Variants in MAPK10 observed in about 807,000 individuals in gnomAD.
MAPK10 encodes the protein JNK3 alpha protein kinase.
In MAPK10, 25 loss-of-function variants were observed where a neutral mutation model predicts 59.3. That is an observed-to-expected ratio of 0.42 (90% confidence interval 0.31 to 0.59). The LOEUF is 0.59. Among genes scored for constraint, MAPK10 ranks in the 20% least tolerant of loss-of-function variants. MAPK10 has a pLI of 0.15. For missense variants in MAPK10, 351 were observed against 568.9 expected (o/e 0.62, Z 3.90); for synonymous variants, 190 against 200.5 (o/e 0.95, Z 0.44).
intron 1 of MAPK10, among the ~76,000 whole-genome samples, chr4:86,485,296 A>T (rs7695011): frequency 6.6e-6 from 1 of 152,000 alleles, no homozygotes; most frequent in East Asian, 1.9e-4. Flanking sequence ...TCTTGGGAGC[A>T]CAATTGTAGT....
intron 1 of MAPK10, among the ~76,000 whole-genome samples, chr4:86,427,097 A>G (rs996622483): frequency 6.6e-6 from 1 of 151,984 alleles, no homozygotes; most frequent in African/African-American, 2.4e-5. Flanking sequence ...TCTACTAAAA[A>G]TACAAAAAAA....
At chr4:86,333,570 C>A (rs2096205792) in intron 2 of MAPK10, among the ~76,000 whole-genome samples, 1 of 152,196 alleles carries the variant, frequency 6.6e-6, no homozygotes, top group East Asian at 1.9e-4. Context: ...CTTCCTTGAC[C>A]TCTAAGCAGC....
intron 1 of MAPK10, among the ~76,000 whole-genome samples, chr4:86,490,998 A>G (rs1159182435): frequency 6.6e-6 from 1 of 152,242 alleles, no homozygotes; most frequent in Non-Finnish European, 1.5e-5. Flanking sequence ...CTATCTAGCT[A>G]AATTCCCTCA....
At chr4:86,576,168 T>G (rs1181568459) in intron 1 of MAPK10, among the ~76,000 whole-genome samples, 5 of 152,080 alleles carry the variant, frequency 3.3e-5, no homozygotes, top group African/African-American at 1.2e-4. Context: ...ATACTGTATG[T>G]TTTTAAAAGA....
chr4:86,081,979 A>G (rs1161243722), intron 9 of MAPK10: 1 of 152,192 alleles, frequency 6.6e-6, no homozygotes, highest in African/African-American at 2.4e-5. Context: ...TTCAGCAATG[A>G]AAATGAGTTA....
chr4:86,544,146 GT>G (rs558275576), intron 1 of MAPK10, among the ~76,000 whole-genome samples: 34 of 152,106 alleles, frequency 2.2e-4, no homozygotes, highest in Non-Finnish European at 3.8e-4. Flanking sequence ...CCGGAGACAG[GT>G]TTTTTTCCAC....
chr4:86,385,592 A>G (rs1741351663), intron 1 of MAPK10, among the ~76,000 whole-genome samples: 1 of 152,202 alleles, frequency 6.6e-6, no homozygotes, highest in South Asian at 2.1e-4. Flanking sequence ...TTATTTCTGA[A>G]CATCTATTTG....
intron 2 of MAPK10, among the ~76,000 whole-genome samples, chr4:86,344,056 T>C (rs1212580579): frequency 1.3e-5 from 2 of 152,262 alleles, no homozygotes; most frequent in African/African-American, 2.4e-5. Flanking sequence ...AAAGGGATCA[T>C]GAGACTAAAA....
At position 86,449,878 on chromosome 4, in the gene MAPK10, A is replaced by T. The variant is rs79947691; in HGVS notation, c.-122+3152T>A. On this transcript the variant is annotated intron_variant, in intron 1 of 13. Transcript: ENST00000361569. ...GCGCACAAAGGGCAGCCTCTGGAAG[A>T]TGAGAGTTACCCTGGCTAATTGCCA... is the stretch of plus-strand genomic sequence containing the variant. 5.2e-3 allele frequency among the ~76,000 whole-genome samples: 798 copies of T among 152,354 alleles called. 9 individuals are homozygous for T. The highest frequency in any genetic ancestry group is 0.018 in the African/African-American group (740 of 41,576).
intron 2 of MAPK10, among the ~76,000 whole-genome samples, chr4:86,316,999 C>T (rs765632288): frequency 2.0e-5 from 3 of 151,994 alleles, no homozygotes; most frequent in Non-Finnish European, 4.4e-5. Context: ...TGGATTTATC[C>T]CAAAGTAATT....
At chr4:86,340,513 T>A (rs1289697996) in intron 2 of MAPK10, 1 of 152,134 alleles carries the variant, frequency 6.6e-6, no homozygotes, top group African/African-American at 2.4e-5. Context: ...CTCATTATCA[T>A]AAGAACAGGA....
chr4:86,359,288 C>CTCTCTCTCTCTGTGTGTG (rs796310826), intron 1 of MAPK10, among the ~76,000 whole-genome samples: 7 of 94,632 alleles, frequency 7.4e-5, no homozygotes, highest in Admixed American at 2.1e-4. Context: ...CTCTCTCTCT[C>CTCTCTCTCTCTGTGTGTG]TGTGTGTGTG....
At chr4:86,188,857 CACGGTTTTT>C (rs2078946267) in intron 3 of MAPK10, among the ~76,000 whole-genome samples, 2 of 151,152 alleles carry the variant, frequency 1.3e-5, no homozygotes, top group South Asian at 2.1e-4. Flanking sequence ...GGTTTTCTTC[CACGGTTTTT>C]ACGGTTTTTA....
chr4:86,136,987 A>G lies in MAPK10; in HGVS notation c.236+22311T>C, dbSNP rs201619791. Among the ~76,000 whole-genome samples the G allele has an allele frequency of 4.9e-4, 74 of 152,294 alleles. No individual in the cohort carries two copies. The East Asian group carries it at 9.8e-3, about 20-fold the overall frequency. The stretch of plus-strand genomic sequence containing the variant: ...ATCAATTCAACAAGAAGAGCTAACT[A>G]TCCTAAATATATATGCACCCAATAC... On this transcript the variant is annotated intron_variant, in intron 4 of 13. Coordinates refer to ENST00000641462, the MANE Select transcript of MAPK10 (RefSeq NM_138982.4).
At chr4:86,029,735 C>T (rs997098664) in intron 12 of MAPK10, among the ~76,000 whole-genome samples, 14 of 152,162 alleles carry the variant, frequency 9.2e-5, no homozygotes, top group African/African-American at 3.4e-4. Context: ...TTTCTTTATA[C>T]TTATTTCCTA....
intron 1 of MAPK10, among the ~76,000 whole-genome samples, chr4:86,444,029 T>TA (rs976482465): frequency 0.011 from 1,532 of 143,028 alleles, 13 homozygotes; most frequent in African/African-American, 0.036. Context: ...ACTGAAAATT[T>TA]AAAAAAAAAA....
intron 1 of MAPK10, among the ~76,000 whole-genome samples, chr4:86,584,374 AG>A (rs1460928775): frequency 2.6e-5 from 4 of 152,216 alleles, no homozygotes; most frequent in Admixed American, 6.5e-5. Flanking sequence ...GGAAAAACAA[AG>A]GAAGTTTACA....
chr4:86,558,341 T>C (rs1760422061), intron 1 of MAPK10, among the ~76,000 whole-genome samples: 1 of 152,176 alleles, frequency 6.6e-6, no homozygotes, highest in African/African-American at 2.4e-5. Context: ...GACGAGGCTT[T>C]GTACTTAGTA....
chr4:86,504,826 T>G (rs1252626624), intron 1 of MAPK10, among the ~76,000 whole-genome samples: 1 of 151,926 alleles, frequency 6.6e-6, no homozygotes, highest in Admixed American at 6.6e-5. Context: ...GGGTGAGGAA[T>G]GGAAAGGAAG....
Sources: gnomAD v4.1 joint callset for allele counts (sites outside exome capture counted in the v4.1 genomes callset) on GRCh38, gnomAD v4.1.1 for gene constraint, MANE v1.5 for transcripts, NCBI Gene and HGNC (gene_info 2026-07-23, HGNC 2026-07-21) for gene names.